The following FBXO11 variants were observed in gnomAD, a reference collection of about 807,000 sequenced individuals.
FBXO11 encodes F-box protein 11.
A neutral mutation model predicts 117.0 loss-of-function variants in FBXO11; 13 were observed. That is an observed-to-expected ratio of 0.11 (90% CI 0.07 to 0.18). The LOEUF (loss-of-function observed/expected upper bound fraction) is 0.18. Ranked by LOEUF, FBXO11 falls within the 10% of genes least tolerant of loss-of-function variation. The pLI is 1.00. For missense variants in FBXO11, 767 were observed against 1,164.4 expected (o/e 0.66, Z 4.97); for synonymous variants, 490 against 380.5 (o/e 1.29, Z -3.35).
chr2:47,857,901 T>C (rs1017307042), intron 1 of FBXO11, among the ~76,000 whole-genome samples: 1 of 152,162 alleles, frequency 6.6e-6, no homozygotes, highest in Non-Finnish European at 1.5e-5. Context: ...AGCAGACTTT[T>C]AAAAATCGCC....
At position 47,863,399 on chromosome 2, in the gene FBXO11, C is replaced by A. The variant is rs539243234; in HGVS notation, c.233-23630G>T. On this transcript the variant is annotated intron_variant, in intron 1 of 22. Transcript: ENST00000403359. ...TGTCTACAAGTGCTCTTAAACAGCTCGTTTACATGGCTCTGAAACAACACA... is the reference window on the plus strand; with the variant it reads ...TGTCTACAAGTGCTCTTAAACAGCTAGTTTACATGGCTCTGAAACAACACA... 6.6e-5 allele frequency among the ~76,000 whole-genome samples: 10 copies of A among 151,980 alleles called. No homozygotes were observed. The East Asian group carries it at 1.9e-3, about 29-fold the overall frequency.
Position 47,835,942 on chromosome 2 carries a change from C to T in FBXO11, c.647G>A (p.Gly216Glu). The change falls in exon 5 of 23, where the codon GGA (glycine) becomes GAA (glutamate). Residue 216 changes from glycine (G) to glutamate (E), a missense_variant. Physicochemically the swap from Gly to Glu is moderately conservative, Grantham distance 98. Coordinates refer to ENST00000403359, the MANE Select transcript of FBXO11 (RefSeq NM_001190274.2). ...TTCTGGATTAATCTGGTAGAATTTT[C>T]CAGGTTCAGGATGCATCATAGGGCG... is the stretch of plus-strand genomic sequence containing the variant. ...YTRPMMHPEP[G>E]KFYQINPEEY... 6.2e-7 allele frequency: 1 copy of T among 1,612,038 alleles called. No homozygotes were observed. Among genetic ancestry groups the T allele is most frequent in the Non-Finnish European group, 8.5e-7 (1 of 1,178,410 alleles).
chr2:47,850,490 T>C (rs935322863), intron 1 of FBXO11, among the ~76,000 whole-genome samples: 1 of 152,212 alleles, frequency 6.6e-6, no homozygotes, highest in Non-Finnish European at 1.5e-5. Flanking sequence ...AATGTACATA[T>C]GGTACAATAC....
In FBXO11 at chr2:47,820,583, G is replaced by C. The variant is rs957736038; in HGVS notation, c.1703-127C>G. On this transcript the variant is annotated intron_variant, in intron 13 of 22. Transcript: ENST00000403359. ...AGTGACCATTACAAGACAAAATTAA[G>C]AGAACTAGAAGTGTAAATAGATGCA... 13 of 657,600 alleles carry C rather than the reference G, an allele frequency of 2.0e-5. No individual in the cohort carries two copies. In the African/African-American group the frequency reaches 2.4e-4, roughly 12 times the overall value. 40.7% of individuals were successfully genotyped at this position (657,600 alleles called of 1,614,324 possible). A position where few individuals can be genotyped will look rare whatever the true frequency, so the allele number is the denominator to read the frequency against.
At chr2:47,901,276 G>C (rs547732787) in intron 1 of FBXO11, among the ~76,000 whole-genome samples, 1 of 150,888 alleles carries the variant, frequency 6.6e-6, no homozygotes, top group East Asian at 1.9e-4. Context: ...TTAGCTCAGA[G>C]TAGAAATGAA....
At chr2:47,849,179 C>G (rs183337024) in intron 1 of FBXO11, among the ~76,000 whole-genome samples, 81 of 152,026 alleles carry the variant, frequency 5.3e-4, no homozygotes, top group Admixed American at 4.3e-3. Context: ...AAATGGAAAT[C>G]AAGATAAAAT....
chr2:47,867,925 A>AT (rs767942625), intron 1 of FBXO11, among the ~76,000 whole-genome samples: 1 of 152,084 alleles, frequency 6.6e-6, no homozygotes, highest in African/African-American at 2.4e-5. Flanking sequence ...AGAAACAACA[A>AT]TTTTTTTTAA....
intron 1 of FBXO11, among the ~76,000 whole-genome samples, chr2:47,878,081 C>G (rs1432908327): frequency 6.6e-6 from 1 of 152,222 alleles, no homozygotes; most frequent in Non-Finnish European, 1.5e-5. Flanking sequence ...GAGGCTGTCA[C>G]TGCTTCCTTC....
intron 1 of FBXO11, among the ~76,000 whole-genome samples, chr2:47,887,184 C>T (rs1305007351): frequency 6.6e-6 from 1 of 151,140 alleles, no homozygotes; most frequent in Non-Finnish European, 1.5e-5. Flanking sequence ...ACTCGGGAGG[C>T]TGAGGCAAGA....
chr2:47,810,226 A>C (rs1255039649), intron 19 of FBXO11, 90 bp downstream of exon 19: 1 of 808,748 alleles, frequency 1.2e-6, no homozygotes, highest in Non-Finnish European at 1.9e-6. Context: ...TGCACATTTT[A>C]GTTAATAAGC....
chr2:47,868,376 T>C (rs1245476449), intron 1 of FBXO11, among the ~76,000 whole-genome samples: 1 of 152,028 alleles, frequency 6.6e-6, no homozygotes, highest in African/African-American at 2.4e-5. Context: ...ACCCTGAAAT[T>C]TCACAATATG....
chr2:47,819,956 A>G (rs1671264914), intron 14 of FBXO11, among the ~76,000 whole-genome samples: 1 of 152,236 alleles, frequency 6.6e-6, no homozygotes, highest in African/African-American at 2.4e-5. Context: ...AAGTTATTAT[A>G]TTTTAACATA....
At chr2:47,864,885 T>A (rs1675076944) in intron 1 of FBXO11, among the ~76,000 whole-genome samples, 1 of 152,184 alleles carries the variant, frequency 6.6e-6, no homozygotes, top group Non-Finnish European at 1.5e-5. Context: ...ACAAGAACAC[T>A]CTTTCCTCAT....
chr2:47,861,486 T>C (rs1288007454), intron 1 of FBXO11, among the ~76,000 whole-genome samples: 2 of 152,108 alleles, frequency 1.3e-5, no homozygotes, highest in Non-Finnish European at 2.9e-5. Flanking sequence ...GCCCAGCTAA[T>C]TAAAAAAATT....
intron 19 of FBXO11, 194 bp from the exon 20 acceptor site, chr2:47,809,901 GCAA>G: frequency 1.9e-6 from 1 of 537,316 alleles, no homozygotes; most frequent in South Asian, 2.7e-5. Flanking sequence ...GGTCAAAACT[GCAA>G]TTAACTTTCG....
At chr2:47,816,176 TTTTTG>T (rs965530452) in intron 16 of FBXO11, among the ~76,000 whole-genome samples, 2 of 152,130 alleles carry the variant, frequency 1.3e-5, no homozygotes, top group African/African-American at 4.8e-5. Flanking sequence ...CTGCAATTTT[TTTTTG>T]TTTTGTTCTG....
At chr2:47,816,367 G>C (rs1163369748) in intron 16 of FBXO11, among the ~76,000 whole-genome samples, 1 of 152,042 alleles carries the variant, frequency 6.6e-6, no homozygotes, top group Non-Finnish European at 1.5e-5. Context: ...TTTTTACAGA[G>C]ACAGGGTTTT....
rs372860877 is a variant in FBXO11 at position 47,854,469 on chromosome 2, T to C, written c.233-14700A>G. On this transcript the variant is annotated intron_variant, in intron 1 of 22. Coordinates refer to ENST00000403359, the MANE Select transcript of FBXO11 (RefSeq NM_001190274.2). ...AAATATGGAGTATTAGAAAGAAAAC[T>C]ATGAATACTGGGGGGTAAAGTGAAT... Among the ~76,000 whole-genome samples the C allele has an allele frequency of 2.1e-4, 32 of 151,978 alleles. 1 individual carries two copies. Among genetic ancestry groups the C allele is most frequent in the African/African-American group, 7.7e-4 (32 of 41,516 alleles).
chr2:47,905,481 G>C lies in FBXO11; in HGVS notation c.232+8C>G. The stretch of plus-strand genomic sequence containing the variant: ...AAGGCGGGCGGTTGGGAGGTAGCGC[G>C]GCCTTACCCCGCTCGCCGACGTTGT... On this transcript the variant is annotated splice_region_variant and intron_variant, in intron 1 of 22. Coordinates refer to ENST00000403359, the MANE Select transcript of FBXO11 (RefSeq NM_001190274.2). 3 of 1,218,586 alleles carry C rather than the reference G, an allele frequency of 2.5e-6. No individual in the cohort carries two copies. The highest frequency in any genetic ancestry group is 3.1e-6 in the Non-Finnish European group (3 of 978,990). 75.5% of individuals were successfully genotyped at this position (1,218,586 alleles called of 1,614,324 possible).
Sources: gnomAD v4.1 joint callset for allele counts (sites outside exome capture counted in the v4.1 genomes callset) on GRCh38, gnomAD v4.1.1 for gene constraint, MANE v1.5 for transcripts, NCBI Gene and HGNC (gene_info 2026-07-23, HGNC 2026-07-21) for gene names.